Variants in COL25A1 observed in about 807,000 individuals in gnomAD.
COL25A1 encodes the protein collagen alpha-1(XXV) chain.
Under a neutral mutation model 128.4 loss-of-function variants are expected in COL25A1, and 103 were observed. The ratio of observed to expected loss-of-function variants is 0.80; its 90% confidence interval spans 0.68 to 0.94. The LOEUF (loss-of-function observed/expected upper bound fraction) is 0.94, where lower values mean the gene tolerates loss of function less well. COL25A1 is among the 40% of genes least tolerant of loss of function. The pLI is 0.00. For synonymous variants in COL25A1, 279 were observed against 277.2 expected (o/e 1.01, Z -0.06); for missense variants, 745 against 840.0 (o/e 0.89, Z 1.40).
chr4:108,917,292 T>C (rs911040936), intron 13 of COL25A1, among the ~76,000 whole-genome samples: 1 of 152,064 alleles, frequency 6.6e-6, no homozygotes, highest in Non-Finnish European at 1.5e-5. Context: ...CCTGAAAGGG[T>C]TGAGTTACGT....
intron 3 of COL25A1, among the ~76,000 whole-genome samples, chr4:109,264,265 G>T (rs960060484): frequency 2.0e-5 from 3 of 152,182 alleles, no homozygotes; most frequent in Non-Finnish European, 4.4e-5. Context: ...GAGAGACTCA[G>T]CTAAGCACGA....
intron 3 of COL25A1, among the ~76,000 whole-genome samples, chr4:109,176,831 G>A (rs184089008): frequency 6.6e-6 from 1 of 152,202 alleles, no homozygotes; most frequent in East Asian, 1.9e-4. Context: ...TGAAGAGAGA[G>A]GCAGAGGCAG....
At chr4:109,171,682 T>C (rs1773601447) in intron 3 of COL25A1, among the ~76,000 whole-genome samples, 1 of 152,230 alleles carries the variant, frequency 6.6e-6, no homozygotes, top group African/African-American at 2.4e-5. Flanking sequence ...TTATTCATCT[T>C]TGAATAGCCA....
chr4:109,087,647 T>C (rs997495258), intron 3 of COL25A1, among the ~76,000 whole-genome samples: 3 of 152,214 alleles, frequency 2.0e-5, no homozygotes, highest in African/African-American at 7.2e-5. Flanking sequence ...CTGTTTACTA[T>C]ACACTGTGAA....
chr4:109,046,959 T>C (rs1760483364), intron 5 of COL25A1, among the ~76,000 whole-genome samples: 1 of 152,160 alleles, frequency 6.6e-6, no homozygotes, highest in Non-Finnish European at 1.5e-5. Flanking sequence ...AAAACACATC[T>C]AGCTCAGAGC....
chr4:108,937,639 T>C (rs577045380), intron 11 of COL25A1, among the ~76,000 whole-genome samples, 169 bp downstream of exon 11: 1 of 152,244 alleles, frequency 6.6e-6, no homozygotes, highest in Non-Finnish European at 1.5e-5. Flanking sequence ...TGTAGATATG[T>C]AGTCTTATGA....
At chr4:109,040,207 C>A (rs1326413516) in intron 5 of COL25A1, among the ~76,000 whole-genome samples, 1 of 152,154 alleles carries the variant, frequency 6.6e-6, no homozygotes, top group African/African-American at 2.4e-5. Flanking sequence ...GAAGGGGATT[C>A]TTTCCACATT....
At chr4:108,858,720 G>A (rs1474455773) in intron 24 of COL25A1, among the ~76,000 whole-genome samples, 2 of 152,124 alleles carry the variant, frequency 1.3e-5, no homozygotes, top group Non-Finnish European at 2.9e-5. Flanking sequence ...GGGAGTGACT[G>A]TACCAAGAAA....
At position 109,302,155 on chromosome 4, in the gene COL25A1, G is replaced by A. The variant is rs1464336019; in HGVS notation, c.-57+14C>T. The A allele has an allele frequency of 1.7e-6, 2 of 1,163,102 alleles. No homozygotes were observed. The highest frequency in any genetic ancestry group is 2.3e-6 in the Non-Finnish European group (2 of 852,432). The allele number at this position is 1,163,102 out of a possible 1,614,324, so 72.0% of individuals were successfully genotyped here. ...AACTAGTTGGTGGAGTCAAGCCCAC[G>A]AGCGGATACGGACCCCTGCCTTGCT... On this transcript the variant is annotated intron_variant, in intron 1 of 37. Coordinates refer to ENST00000399132, the MANE Select transcript of COL25A1 (RefSeq NM_198721.4).
rs955612148 is a variant in COL25A1 at position 108,941,245 on chromosome 4, C to T, written c.564+121G>A. On this transcript the variant is annotated intron_variant, in intron 9 of 37. Transcript: ENST00000399132. The stretch of plus-strand genomic sequence containing the variant: ...ACTTAATTTTGTTTGAGGATATTTC[C>T]AAATAAATGCCCACATACCACCCAC... 1.6e-5 allele frequency: 10 copies of T among 610,260 alleles called. No individual in the cohort carries two copies. In the African/African-American group the frequency reaches 1.7e-4, roughly 10 times the overall value. 37.8% of individuals were successfully genotyped at this position (610,260 alleles called of 1,614,324 possible). A position where few individuals can be genotyped will look rare whatever the true frequency, so the allele number is the denominator to read the frequency against.
chr4:109,026,329 G>A (rs1183109735), intron 5 of COL25A1, among the ~76,000 whole-genome samples: 1 of 152,088 alleles, frequency 6.6e-6, no homozygotes, highest in Non-Finnish European at 1.5e-5. Flanking sequence ...ATCAAGATTG[G>A]AGAGAATTTC....
chr4:109,049,781 T>G (rs577701724), intron 4 of COL25A1, among the ~76,000 whole-genome samples: 1 of 152,264 alleles, frequency 6.6e-6, no homozygotes, highest in Admixed American at 6.5e-5. Flanking sequence ...ACTGACCACC[T>G]ATATAGATGG....
At chr4:108,921,395 CTA>C (rs912213989) in intron 11 of COL25A1, among the ~76,000 whole-genome samples, 1 of 73,032 alleles carries the variant, frequency 1.4e-5, no homozygotes, top group Non-Finnish European at 3.4e-5. Flanking sequence ...AGAGATATAG[CTA>C]TATTTCTATT....
chr4:108,963,805 T>C (rs1750997581), intron 8 of COL25A1, among the ~76,000 whole-genome samples: 2 of 151,654 alleles, frequency 1.3e-5, no homozygotes, highest in Non-Finnish European at 2.9e-5. Context: ...ATTAAATATA[T>C]ACATATACAA....
intron 7 of COL25A1, 27 bp from the exon 8 acceptor site, chr4:108,974,420 G>T (rs368143399): frequency 1.9e-6 from 3 of 1,613,644 alleles, no homozygotes; most frequent in Non-Finnish European, 2.5e-6. Context: ...TGAGATAACA[G>T]TTTTAGCCAA....
intron 3 of COL25A1, among the ~76,000 whole-genome samples, chr4:109,089,579 T>A (rs939763687): frequency 3.3e-5 from 5 of 152,170 alleles, no homozygotes; most frequent in Non-Finnish European, 5.9e-5. Flanking sequence ...GACAGTTACA[T>A]CTATTATTTC....
intron 3 of COL25A1, among the ~76,000 whole-genome samples, chr4:109,078,512 C>T (rs571931224): frequency 6.6e-6 from 1 of 152,140 alleles, no homozygotes; most frequent in Admixed American, 6.6e-5. Context: ...TTTAGAAAAG[C>T]ATGTTTAAAC....
intron 3 of COL25A1, among the ~76,000 whole-genome samples, chr4:109,074,844 G>C (rs2125986864): frequency 6.6e-6 from 1 of 152,216 alleles, no homozygotes; most frequent in East Asian, 1.9e-4. Context: ...ATACCACTCA[G>C]ACACCAGAAA....
chr4:109,210,309 A>C (rs2126195163), intron 3 of COL25A1, among the ~76,000 whole-genome samples: 1 of 152,320 alleles, frequency 6.6e-6, no homozygotes, highest in South Asian at 2.1e-4. Flanking sequence ...AATTTTAATA[A>C]AATTGTCTAA....
Sources: allele counts gnomAD v4.1 joint callset (sites outside exome capture counted in the v4.1 genomes callset), GRCh38; gene constraint gnomAD v4.1.1; transcripts MANE v1.5; gene names NCBI Gene and HGNC (gene_info 2026-07-23, HGNC 2026-07-21).